The following ZNF697 variants were observed in gnomAD, a reference collection of about 807,000 sequenced individuals.
The protein encoded by ZNF697 is zinc finger protein 697.
Under a neutral mutation model 32.4 loss-of-function variants are expected in ZNF697, and 23 were observed. That is an observed-to-expected ratio of 0.71 (90% CI 0.51 to 1.01). ZNF697 has a LOEUF of 1.01. Ranked by LOEUF, ZNF697 falls within the 50% of genes least tolerant of loss-of-function variation. The pLI is 0.00. For missense variants in ZNF697, 930 were observed against 794.0 expected (o/e 1.17, Z -2.06); for synonymous variants, 418 against 337.2 (o/e 1.24, Z -2.62).
In ZNF697 at chr1:119,623,106, C is replaced by G; in HGVS notation, c.1237G>C (p.Glu413Gln). The part of the protein sequence containing the change: ...HTGEKPYMCS[E>Q]CGETFSVSSH... ...CTGACGCTGAAGGTCTCGCCGCACT[C>G]GGAGCACATGTAGGGCTTCTCGCCC... is the stretch of plus-strand genomic sequence containing the variant. Residue 413 changes from glutamate to glutamine, a missense_variant, in exon 3 of 3, where the codon GAG (glutamate) becomes CAG (glutamine). By Grantham distance (29) the Glu-to-Gln change is conservative. Coordinates refer to ENST00000421812, the MANE Select transcript of ZNF697 (RefSeq NM_001080470.2). 1 of 1,588,734 alleles carries G rather than the reference C, an allele frequency of 6.3e-7. No homozygotes were observed. Among genetic ancestry groups the G allele is most frequent in the Non-Finnish European group, 8.6e-7 (1 of 1,167,882 alleles).
chr1:119,634,912 A>C (rs1648879282), intron 1 of ZNF697, among the ~76,000 whole-genome samples: 1 of 152,232 alleles, frequency 6.6e-6, no homozygotes, highest in Non-Finnish European at 1.5e-5. Flanking sequence ...TTAAGTGTAC[A>C]AAGAGTTCTT....
intron 1 of ZNF697, among the ~76,000 whole-genome samples, chr1:119,637,772 G>A (rs1466318959): frequency 6.6e-6 from 1 of 152,074 alleles, no homozygotes; most frequent in Non-Finnish European, 1.5e-5. Flanking sequence ...AACAGGTTTT[G>A]GATTCTCTGC....
In ZNF697 at chr1:119,623,771, C is replaced by T. The variant is rs936947165; in HGVS notation, c.572G>A (p.Cys191Tyr). Residue 191 changes from cysteine to tyrosine, a missense_variant, in exon 3 of 3, where the codon TGC (cysteine) becomes TAC (tyrosine). Transcript: ENST00000421812. ...ACTGAAGCTCTCCCCGCAGTCGGGG[C>T]AGATGGTGGGCGCGTCCATGATGCT... Reference protein sequence around the residue: ...VASIMDAPTICPDCGESFSPG... With the variant: ...VASIMDAPTIYPDCGESFSPG... 23 of 1,544,336 alleles carry T rather than the reference C, an allele frequency of 1.5e-5. No individual in the cohort carries two copies. Among genetic ancestry groups the T allele is most frequent in the African/African-American group, 2.7e-5 (2 of 73,004 alleles).
At chr1:119,638,795 G>A (rs1394061136) in intron 1 of ZNF697, among the ~76,000 whole-genome samples, 1 of 152,138 alleles carries the variant, frequency 6.6e-6, no homozygotes, top group African/African-American at 2.4e-5. Flanking sequence ...GAGGCTGAAT[G>A]TCCCTTCCAG....
At chr1:119,638,591 T>C (rs1370456367) in intron 1 of ZNF697, among the ~76,000 whole-genome samples, 1 of 152,192 alleles carries the variant, frequency 6.6e-6, no homozygotes, top group Non-Finnish European at 1.5e-5. Context: ...CTCCTCTTCT[T>C]AACTCCTAAA....
chr1:119,623,295 G>T lies in ZNF697; in HGVS notation c.1048C>A (p.Leu350Met). The change falls in exon 3 of 3, where the codon CTG becomes ATG. Residue 350 changes from leucine to methionine, a missense_variant. Leu to Met is a conservative substitution (Grantham distance 15). Coordinates refer to ENST00000421812, the MANE Select transcript of ZNF697 (RefSeq NM_001080470.2). ...CACTCCCCGCAGGCGAAGGGCCGCA[G>T]CGCCGCCGCCCCCGCGCCGCTGGCC... ...AAASGAGAAA[L>M]RPFACGECGK... 1 of 1,390,806 alleles carries T rather than the reference G, an allele frequency of 7.2e-7. No individual in the cohort carries two copies. Among genetic ancestry groups the T allele is most frequent in the Non-Finnish European group, 9.3e-7 (1 of 1,077,118 alleles). 86.2% of individuals were successfully genotyped at this position (1,390,806 alleles called of 1,614,324 possible). A position where few individuals can be genotyped will look rare whatever the true frequency, so the allele number is the denominator to read the frequency against.
chr1:119,623,901 A>G lies in ZNF697; in HGVS notation c.442T>C (p.Ser148Pro), dbSNP rs1648477276. 1 of 1,555,052 alleles carries G rather than the reference A, an allele frequency of 6.4e-7. No homozygotes were observed. The highest frequency in any genetic ancestry group is 2.4e-5 in the East Asian group (1 of 41,874). Residue 148 changes from serine to proline, a missense_variant, in exon 3 of 3, where the codon TCC (serine) becomes CCC (proline). Ser to Pro is a moderately conservative substitution (Grantham distance 74). Coordinates refer to ENST00000421812, the MANE Select transcript of ZNF697 (RefSeq NM_001080470.2). Reference sequence around the variant, plus strand: ...TCACCTCGGTGCCGACTCCCCAGGGAGAGATGTCGCCTCCAGGGAAGTACG... The same window carrying G: ...TCACCTCGGTGCCGACTCCCCAGGGGGAGATGTCGCCTCCAGGGAAGTACG... ...PPVLPWRRHL[S>P]LGSRHRGDKP...
At chr1:119,645,796 G>A (rs997985586) in intron 1 of ZNF697, among the ~76,000 whole-genome samples, 2 of 152,076 alleles carry the variant, frequency 1.3e-5, no homozygotes, top group African/African-American at 4.8e-5. Context: ...AAAAGAAGTA[G>A]AATCTTAGAT....
rs1416618193 is a variant in ZNF697, at chr1:119,623,153, A to C, written c.1190T>G (p.Val397Gly). The change falls in exon 3 of 3, where the codon GTG (valine) becomes GGG (glycine). Residue 397 changes from valine (V) to glycine (G), a missense_variant. Val to Gly is a moderately radical substitution (Grantham distance 109, BLOSUM62 -3). Transcript: ENST00000421812. ...GKRFSWRSDL[V>G]KHQRVHTGEK... is the part of the protein sequence containing the mutation. ...GCCCGTGTGCACGCGCTGGTGCTTCACCAAGTCCGAGCGCCAGCTGAAGCG... is the reference window on the plus strand; with the variant it reads ...GCCCGTGTGCACGCGCTGGTGCTTCCCCAAGTCCGAGCGCCAGCTGAAGCG... The C allele has an allele frequency of 3.2e-6, 5 of 1,582,746 alleles. No homozygotes were observed. The Admixed American group carries it at 8.9e-5, about 28-fold the overall frequency.
At chr1:119,630,436 C>T (rs1041868446) in intron 1 of ZNF697, among the ~76,000 whole-genome samples, 1 of 152,248 alleles carries the variant, frequency 6.6e-6, no homozygotes, top group African/African-American at 2.4e-5. Flanking sequence ...GATTGGGCAA[C>T]TTCAACAAGA....
intron 1 of ZNF697, among the ~76,000 whole-genome samples, chr1:119,630,363 C>T (rs1240503191): frequency 6.6e-6 from 1 of 152,192 alleles, no homozygotes; most frequent in Non-Finnish European, 1.5e-5. Context: ...ACTCTTAATC[C>T]CCAAACATTC....
chr1:119,642,875 T>TTAC lies in ZNF697; in HGVS notation c.-38+4815_-38+4816insGTA, dbSNP rs755180188. Among the ~76,000 whole-genome samples, 5 of 129,644 alleles carry TTAC rather than the reference T, an allele frequency of 3.9e-5. No homozygotes were observed. The South Asian group carries it at 1.2e-3, about 32-fold the overall frequency. The allele number at this position is 129,644 out of a possible 152,430, so 85.1% of individuals were successfully genotyped here. ...ATCATTGTCAATACCTGCCTGAAGATTTTCAAAACTAGCAAAACAAAAATA... is the reference window on the plus strand; with the variant it reads ...ATCATTGTCAATACCTGCCTGAAGATTACTTTCAAAACTAGCAAAACAAAAATA... On this transcript the variant is annotated intron_variant, in intron 1 of 2. Transcript: ENST00000421812.
rs1030284933 is a variant in ZNF697, at chr1:119,622,073, A to C, written c.*632T>G. 1 of 152,640 alleles carries C rather than the reference A, an allele frequency of 6.6e-6. No homozygotes were observed. The highest frequency in any genetic ancestry group is 2.4e-5 in the African/African-American group (1 of 41,436). 9.5% of individuals were successfully genotyped at this position (152,640 alleles called of 1,614,324 possible). On this transcript the variant is annotated 3_prime_UTR_variant, in exon 3 of 3. Coordinates refer to ENST00000421812, the MANE Select transcript of ZNF697 (RefSeq NM_001080470.2). ...TTATAAATGAATTTCTAAACCCCAGACATTGCCCCTTGAAATGAGTGTGGC... is the reference window on the plus strand; with the variant it reads ...TTATAAATGAATTTCTAAACCCCAGCCATTGCCCCTTGAAATGAGTGTGGC...
chr1:119,623,989 C>T lies in ZNF697; in HGVS notation c.354G>A (p.Glu118=), dbSNP rs1414416880. ...TCTCCCCAGCACTCTCGTCGTCGTC[C>T]TCCCGGAGGCTCCGGGATATGCTGT... ...ESDSISRSLR[E]DDDESAGENR... Residue 118 remains glutamate, a synonymous_variant, in exon 3 of 3, where the codon GAG becomes GAA. Transcript: ENST00000421812. The T allele has an allele frequency of 6.2e-7, 1 of 1,612,166 alleles. No homozygotes were observed.
rs1648275621 is a variant in ZNF697, at chr1:119,620,465, G to A, written c.*2240C>T. 1 of 152,638 alleles carries A rather than the reference G, an allele frequency of 6.6e-6. No individual in the cohort carries two copies. The highest frequency in any genetic ancestry group is 1.5e-5 in the Non-Finnish European group (1 of 68,032). 9.5% of individuals were successfully genotyped at this position (152,638 alleles called of 1,614,324 possible). ...TTGAGAAAACTTAAAACAGCTGGAA[G>A]AGGTAGATGTACATGGAAAGAAACC... On this transcript the variant is annotated 3_prime_UTR_variant, in exon 3 of 3. Transcript: ENST00000421812.
rs1398328692 is a variant in ZNF697, at chr1:119,648,224, G to GGCTGGCTGGCTC, written c.-583_-572dup. Among the ~76,000 whole-genome samples the GGCTGGCTGGCTC allele has an allele frequency of 6.6e-6, 1 of 150,666 alleles. No individual in the cohort carries two copies. Among genetic ancestry groups the GGCTGGCTGGCTC allele is most frequent in the Non-Finnish European group, 1.5e-5 (1 of 67,830 alleles). ...TGGTTGGCTGGCTGGCTGGCTGGCT[G>GGCTGGCTGGCTC]GCTGGCTGGCTCGCTGGCTGGCTGC... On this transcript the variant is annotated 5_prime_UTR_variant, in exon 1 of 3. Coordinates refer to ENST00000421812, the MANE Select transcript of ZNF697 (RefSeq NM_001080470.2).
chr1:119,622,744 T>C lies in ZNF697; in HGVS notation c.1599A>G (p.Lys533=), dbSNP rs1288926191. ...GCTTCTGGTGCTGCGCGAGGTGCGT[T>C]TTATAGCGGAAGCCTTTGCCGCAGC... ...CAGCGKGFRY[K]THLAQHQKLH... The change falls in exon 3 of 3, where the codon AAA becomes AAG. Residue 533 remains lysine, a synonymous_variant. Transcript: ENST00000421812. 4 of 1,570,166 alleles carry C rather than the reference T, an allele frequency of 2.5e-6. No individual in the cohort carries two copies. The highest frequency in any genetic ancestry group is 1.2e-5 in the South Asian group (1 of 85,852).
chr1:119,642,255 G>A (rs1557942059), intron 1 of ZNF697, among the ~76,000 whole-genome samples: 1 of 152,186 alleles, frequency 6.6e-6, no homozygotes, highest in Non-Finnish European at 1.5e-5. Context: ...AGATGTCTAG[G>A]ACAGTGAAAC....
chr1:119,622,705 C>G lies in ZNF697; in HGVS notation c.1638G>C (p.Ter546TyrextTer16). Residue 546 changes from the stop codon to tyrosine (Y), a stop_lost, in exon 3 of 3, where the codon TAG becomes TAC. Transcript: ENST00000421812. ...CGGCAGCCTCCCGCGGACCCAGCCC[C>G]TAACACAGGTGCAGCTTCTGGTGCT... ...LAQHQKLHLC[*>Y] The G allele has an allele frequency of 6.6e-7, 1 of 1,524,890 alleles. No homozygotes were observed. Among genetic ancestry groups the G allele is most frequent in the South Asian group, 1.3e-5 (1 of 79,368 alleles). The allele number at this position is 1,524,890 out of a possible 1,614,324, so 94.5% of individuals were successfully genotyped here.
Sources: gnomAD v4.1 joint callset for allele counts (sites outside exome capture counted in the v4.1 genomes callset) on GRCh38, gnomAD v4.1.1 for gene constraint, MANE v1.5 for transcripts, NCBI Gene and HGNC (gene_info 2026-07-23, HGNC 2026-07-21) for gene names.